MACROD1: variants seen among roughly 807,000 people sequenced by gnomAD.
MACROD1 encodes the protein mono-ADP ribosylhydrolase 1, also known as ADP-ribose glycohydrolase MACROD1.
Under a neutral mutation model 41.4 loss-of-function variants are expected in MACROD1, and 31 were observed. The ratio of observed to expected loss-of-function variants is 0.75; its 90% confidence interval spans 0.56 to 1.01. The LOEUF (loss-of-function observed/expected upper bound fraction) is 1.01. Among genes scored for constraint, MACROD1 ranks in the 50% least tolerant of loss-of-function variants. The probability of loss-of-function intolerance (pLI) is 0.00; values close to 1 mark genes in which losing one functional copy is unlikely to be tolerated. For missense variants in MACROD1, 473 were observed against 460.0 expected (o/e 1.03, Z -0.26); for synonymous variants, 252 against 203.4 (o/e 1.24, Z -2.03).
intron 3 of MACROD1, among the ~76,000 whole-genome samples, chr11:64,105,034 G>A (rs189955980): frequency 6.6e-6 from 1 of 152,256 alleles, no homozygotes; most frequent in Non-Finnish European, 1.5e-5. Flanking sequence ...ATTTATGATT[G>A]CACCAGGGCC....
rs986536544 is a variant in MACROD1 at position 64,015,172 on chromosome 11, AGGGCGAG to A, written c.547+73_547+79del. On this transcript the variant is annotated intron_variant, in intron 4 of 10. Coordinates refer to ENST00000255681, the MANE Select transcript of MACROD1 (RefSeq NM_014067.4). Reference sequence around the variant, plus strand: ...GTGGATTGCAGTGAGATGGGCACCGAGGGCGAGGGGCAGGGGAGGAGCAGACCCAGCA... The same window carrying A: ...GTGGATTGCAGTGAGATGGGCACCGAGGGCAGGGGAGGAGCAGACCCAGCA... The A allele has an allele frequency of 8.2e-5, 117 of 1,420,206 alleles. No individual in the cohort carries two copies. In the Admixed American group the frequency reaches 2.8e-3, roughly 34 times the overall value. The allele number at this position is 1,420,206 out of a possible 1,614,324, so 88.0% of individuals were successfully genotyped here.
At chr11:64,013,392 G>C (rs528665112) in intron 4 of MACROD1, among the ~76,000 whole-genome samples, 1 of 152,236 alleles carries the variant, frequency 6.6e-6, no homozygotes, top group South Asian at 2.1e-4. Context: ...CGGAGCAGCC[G>C]CGTGGACAAC....
chr11:64,047,217 G>A (rs1167403339), intron 3 of MACROD1, among the ~76,000 whole-genome samples: 1 of 152,100 alleles, frequency 6.6e-6, no homozygotes, highest in Non-Finnish European at 1.5e-5. Context: ...GAGAGGTGCT[G>A]CTGAACTGTG....
chr11:64,155,057 T>C (rs1590976314), intron 1 of MACROD1, among the ~76,000 whole-genome samples: 1 of 152,312 alleles, frequency 6.6e-6, no homozygotes. Context: ...GTAGGTTCCA[T>C]AGGGGATCTG....
At chr11:64,078,676 G>A (rs1025103360) in intron 3 of MACROD1, among the ~76,000 whole-genome samples, 4 of 152,156 alleles carry the variant, frequency 2.6e-5, no homozygotes, top group African/African-American at 7.2e-5. Context: ...GCTCTTCACC[G>A]AGCTTTGAGG....
intron 3 of MACROD1, among the ~76,000 whole-genome samples, chr11:64,077,116 C>T (rs1224824663): frequency 1.3e-5 from 2 of 152,188 alleles, no homozygotes; most frequent in East Asian, 1.9e-4. Flanking sequence ...CACCTCAGTC[C>T]AGCCTCGGGT....
intron 3 of MACROD1, chr11:64,117,457 G>A (rs1278008256): frequency 2.5e-6 from 4 of 1,613,028 alleles, no homozygotes; most frequent in African/African-American, 1.3e-5. Context: ...ACCACGGCCA[G>A]CAACCACGCC....
chr11:63,999,727 TC>T lies in MACROD1; in HGVS notation c.700del (p.Glu234SerfsTer15). On this transcript the variant is annotated frameshift_variant, in exon 6 of 11. Coordinates refer to ENST00000255681, the MANE Select transcript of MACROD1 (RefSeq NM_014067.4). LOFTEE classifies it high-confidence loss of function. ...IHTVGPIAYG[E>X]PSASQAAELR... ...CTCGGCAGCCTGACTGGCGCTGGGCTCCCCGTAGGCGATGGGCCCCACTGTG... is the reference window on the plus strand; with the variant it reads ...CTCGGCAGCCTGACTGGCGCTGGGCTCCCGTAGGCGATGGGCCCCACTGTG... 1 of 1,607,890 alleles carries T rather than the reference TC, an allele frequency of 6.2e-7. No individual in the cohort carries two copies.
chr11:64,060,761 A>T (rs976045384), intron 3 of MACROD1: 1 of 152,336 alleles, frequency 6.6e-6, no homozygotes, highest in East Asian at 1.9e-4. Context: ...TTCACCGGAA[A>T]ATGCGAGACT....
intron 3 of MACROD1, among the ~76,000 whole-genome samples, chr11:64,034,630 G>C (rs1187790918): frequency 6.6e-6 from 1 of 152,198 alleles, no homozygotes; most frequent in Non-Finnish European, 1.5e-5. Flanking sequence ...GGGAAAGGAG[G>C]GGGAGAGGTG....
At chr11:64,123,069 A>G (rs758966451) in intron 3 of MACROD1, among the ~76,000 whole-genome samples, 3 of 152,184 alleles carry the variant, frequency 2.0e-5, no homozygotes, top group Non-Finnish European at 4.4e-5. Flanking sequence ...TGGATGCAGC[A>G]AAGAGGGAGC....
intron 3 of MACROD1, among the ~76,000 whole-genome samples, chr11:64,099,875 G>A (rs1944641503): frequency 6.6e-6 from 1 of 151,546 alleles, no homozygotes; most frequent in African/African-American, 2.4e-5. Flanking sequence ...TGAGATGGAG[G>A]GATCGAGAAA....
At chr11:64,105,413 C>G (rs897678277) in intron 3 of MACROD1, among the ~76,000 whole-genome samples, 1 of 152,208 alleles carries the variant, frequency 6.6e-6, no homozygotes, top group African/African-American at 2.4e-5. Context: ...GGCAGACAGA[C>G]CTGGGTTGGG....
chr11:64,033,415 G>A (rs1943319633), intron 3 of MACROD1, among the ~76,000 whole-genome samples: 1 of 152,158 alleles, frequency 6.6e-6, no homozygotes, highest in Non-Finnish European at 1.5e-5. Context: ...TTGTTTTTTA[G>A]GGACAAGGTT....
At chr11:64,163,796 G>C (rs891469098) in intron 1 of MACROD1, among the ~76,000 whole-genome samples, 1 of 152,164 alleles carries the variant, frequency 6.6e-6, no homozygotes, top group African/African-American at 2.4e-5. Context: ...CTAAGGTTCG[G>C]GGTGTTTTGT....
At chr11:64,145,559 C>A (rs559782359) in intron 3 of MACROD1, among the ~76,000 whole-genome samples, 67 of 152,298 alleles carry the variant, frequency 4.4e-4, no homozygotes, top group Admixed American at 1.8e-3. Context: ...GAAGTAGAGG[C>A]CACGGAGTGG....
At chr11:64,055,267 C>T (rs748733271) in intron 3 of MACROD1, among the ~76,000 whole-genome samples, 5 of 152,210 alleles carry the variant, frequency 3.3e-5, no homozygotes, top group Non-Finnish European at 7.3e-5. Context: ...TTGCCTTGAG[C>T]GGGACACCAT....
In MACROD1 at chr11:64,116,763, G is replaced by A. The variant is rs756090482; in HGVS notation, c.517+34476C>T. The A allele has an allele frequency of 2.2e-5, 36 of 1,613,628 alleles. No homozygotes were observed. The highest frequency in any genetic ancestry group is 3.3e-5 in the South Asian group (3 of 91,084). ...CCTGGATGACAACTCCGTGTCCACC[G>A]TCAGCATTGAGGAGGACGCCTTCGC... On this transcript the variant is annotated intron_variant, in intron 3 of 10. Transcript: ENST00000255681.
At chr11:64,133,759 T>C (rs1590954455) in intron 3 of MACROD1, among the ~76,000 whole-genome samples, 1 of 151,992 alleles carries the variant, frequency 6.6e-6, no homozygotes, top group South Asian at 2.1e-4. Flanking sequence ...TGTAGGACCC[T>C]AGGGCACCCC....
Sources: allele counts gnomAD v4.1 joint callset (sites outside exome capture counted in the v4.1 genomes callset), GRCh38; gene constraint gnomAD v4.1.1; transcripts MANE v1.5; gene names NCBI Gene and HGNC (gene_info 2026-07-23, HGNC 2026-07-21).